The following EPM2A variants were observed in gnomAD, a reference collection of about 807,000 sequenced individuals.
EPM2A encodes EPM2A glucan phosphatase, laforin.
In EPM2A, 21 loss-of-function variants were observed where a neutral mutation model predicts 26.5. That is an observed-to-expected ratio of 0.79 (90% CI 0.56 to 1.14). The LOEUF (loss-of-function observed/expected upper bound fraction) is 1.14, where lower values mean the gene tolerates loss of function less well. Ranked by LOEUF, EPM2A falls within the 50% of genes most tolerant of loss-of-function variation. The pLI, the probability that EPM2A is intolerant of heterozygous loss-of-function variation, is 0.00. For synonymous variants in EPM2A, 217 were observed against 177.6 expected, an observed-to-expected ratio of 1.22 and a Z score of -1.76; for missense variants, 458 against 440.8, an observed-to-expected ratio of 1.04 and a Z score of -0.35.
intron 2 of EPM2A, among the ~76,000 whole-genome samples, chr6:145,676,223 A>G (rs1780026942): frequency 6.6e-6 from 1 of 152,208 alleles, no homozygotes; most frequent in Non-Finnish European, 1.5e-5. Context: ...GTTCTTTGAA[A>G]CCAATGAAAA....
chr6:145,602,879 A>G (rs556524811), intron 2 of EPM2A, among the ~76,000 whole-genome samples: 1 of 152,308 alleles, frequency 6.6e-6, no homozygotes, highest in South Asian at 2.1e-4. Flanking sequence ...GACCCAAAGG[A>G]ATACATTACT....
chr6:145,464,221 GC>G (rs929529068), intron 4 of EPM2A, among the ~76,000 whole-genome samples: 17 of 152,064 alleles, frequency 1.1e-4, no homozygotes, highest in African/African-American at 3.6e-4. Context: ...CCCTGCTCTT[GC>G]TCACTGTCTC....
chr6:145,698,561 C>A (rs1305703575), intron 1 of EPM2A, among the ~76,000 whole-genome samples: 3 of 149,732 alleles, frequency 2.0e-5, no homozygotes, highest in South Asian at 2.1e-4. Flanking sequence ...TATAAAAAGA[C>A]ATGGATGAAA....
At chr6:145,574,592 C>A (rs1284174953) in intron 2 of EPM2A, among the ~76,000 whole-genome samples, 1 of 152,088 alleles carries the variant, frequency 6.6e-6, no homozygotes, top group East Asian at 1.9e-4. Flanking sequence ...TCTTCTGGAC[C>A]CTCCCAGCTG....
intron 2 of EPM2A, among the ~76,000 whole-genome samples, chr6:145,666,800 T>C (rs1404729131): frequency 6.6e-6 from 1 of 151,006 alleles, no homozygotes; most frequent in Non-Finnish European, 1.5e-5. Context: ...AGCATGGTAC[T>C]GGTACCAAAA....
At chr6:145,583,578 C>T (rs936854893) in intron 2 of EPM2A, among the ~76,000 whole-genome samples, 6 of 152,094 alleles carry the variant, frequency 3.9e-5, no homozygotes, top group East Asian at 1.9e-4. Context: ...ATTCCAATGG[C>T]GGGCGGGGTG....
At chr6:145,432,949 T>C (rs938468448) in intron 4 of EPM2A, among the ~76,000 whole-genome samples, 1 of 152,152 alleles carries the variant, frequency 6.6e-6, no homozygotes, top group Non-Finnish European at 1.5e-5. Context: ...GAACCAACTT[T>C]TTCTAACTTC....
chr6:145,722,761 G>A (rs1343461259), intron 1 of EPM2A: 4 of 453,840 alleles, frequency 8.8e-6, no homozygotes, highest in Non-Finnish European at 1.8e-5. Context: ...AATTAGGGGT[G>A]GCCCCAATCC....
intron 2 of EPM2A, among the ~76,000 whole-genome samples, chr6:145,560,256 C>T (rs571340007): frequency 6.6e-6 from 1 of 152,250 alleles, no homozygotes; most frequent in South Asian, 2.1e-4. Flanking sequence ...CTTTTCGATG[C>T]AATCCACACT....
Position 145,688,889 on chromosome 6 carries a change from G to C in EPM2A, c.302-2593C>G, listed in dbSNP as rs138584716. 4.9e-3 allele frequency among the ~76,000 whole-genome samples: 753 copies of C among 152,340 alleles called. 6 individuals carry two copies. The highest frequency in any genetic ancestry group is 0.015 in the African/African-American group (617 of 41,588). On this transcript the variant is annotated intron_variant, in intron 1 of 3. Coordinates refer to ENST00000367519, the MANE Select transcript of EPM2A (RefSeq NM_005670.4). ...CTTCTAGGAAATGGAATTGGATGGAGGGGAACTGTCATAGTCAACTGTTTT... is the reference window on the plus strand; with the variant it reads ...CTTCTAGGAAATGGAATTGGATGGACGGGAACTGTCATAGTCAACTGTTTT...
rs73568389 is a variant in EPM2A, at chr6:145,625,777, G to A, written c.*1639C>T. The A allele has an allele frequency of 0.015, 19,625 of 1,335,036 alleles. 2,151 individuals carry two copies. In the African/African-American group the frequency reaches 0.24, roughly 16 times the overall value. 82.7% of individuals were successfully genotyped at this position (1,335,036 alleles called of 1,614,324 possible). A position where few individuals can be genotyped will look rare whatever the true frequency, so the allele number is the denominator to read the frequency against. On this transcript the variant is annotated 3_prime_UTR_variant, in exon 4 of 4. Coordinates refer to ENST00000367519, the MANE Select transcript of EPM2A (RefSeq NM_005670.4). ...CTAAGTGCCACAGTTCTATCTCCCCGTCCTCTGAGCTCCACTGAAACTTAC... is the reference window on the plus strand; with the variant it reads ...CTAAGTGCCACAGTTCTATCTCCCCATCCTCTGAGCTCCACTGAAACTTAC...
chr6:145,705,700 T>C (rs1782184797), intron 1 of EPM2A: 1 of 403,866 alleles, frequency 2.5e-6, no homozygotes, highest in Non-Finnish European at 5.0e-6. Context: ...AGCAACAATT[T>C]CTTGGCAAAG....
chr6:145,715,768 G>C (rs1335136830), intron 1 of EPM2A, among the ~76,000 whole-genome samples: 1 of 152,184 alleles, frequency 6.6e-6, no homozygotes, highest in Non-Finnish European at 1.5e-5. Context: ...CTCCTTATGA[G>C]AAGCTAATGC....
At chr6:145,578,238 A>C (rs1562389554) in intron 2 of EPM2A, among the ~76,000 whole-genome samples, 1 of 152,234 alleles carries the variant, frequency 6.6e-6, no homozygotes, top group Non-Finnish European at 1.5e-5. Flanking sequence ...TAAATATAAA[A>C]GTTTAATGGA....
At chr6:145,468,155 C>A (rs569048495) in intron 4 of EPM2A, among the ~76,000 whole-genome samples, 1 of 152,106 alleles carries the variant, frequency 6.6e-6, no homozygotes, top group East Asian at 1.9e-4. Flanking sequence ...TTCTTCCTGA[C>A]TATATGATAG....
chr6:145,612,253 T>G (rs1775406889), intron 2 of EPM2A, among the ~76,000 whole-genome samples: 1 of 152,192 alleles, frequency 6.6e-6, no homozygotes, highest in African/African-American at 2.4e-5. Flanking sequence ...AAATTAGATT[T>G]TGCATTTTAT....
At chr6:145,663,492 G>A (rs1396944570) in intron 2 of EPM2A, among the ~76,000 whole-genome samples, 2 of 152,186 alleles carry the variant, frequency 1.3e-5, no homozygotes, top group African/African-American at 4.8e-5. Context: ...CAAAGAAAGG[G>A]GTGAAAAGAA....
intron 2 of EPM2A, among the ~76,000 whole-genome samples, chr6:145,562,646 C>A (rs1035514667): frequency 1.3e-5 from 2 of 152,050 alleles, no homozygotes; most frequent in Non-Finnish European, 2.9e-5. Flanking sequence ...TCTGGGGAGG[C>A]CACCAGTCCC....
chr6:145,402,995 C>A (rs1778514012), intron 4 of EPM2A, among the ~76,000 whole-genome samples: 1 of 152,140 alleles, frequency 6.6e-6, no homozygotes, highest in Admixed American at 6.6e-5. Flanking sequence ...AGAGAATTCT[C>A]AAACTTCTGT....
Sources: allele counts gnomAD v4.1 joint callset (sites outside exome capture counted in the v4.1 genomes callset), GRCh38; gene constraint gnomAD v4.1.1; transcripts MANE v1.5; gene names NCBI Gene and HGNC (gene_info 2026-07-23, HGNC 2026-07-21).